The following TNFRSF9 variants were observed in gnomAD, a reference collection of about 807,000 sequenced individuals.
TNFRSF9 encodes tumor necrosis factor receptor superfamily member 9.
In TNFRSF9, 16 loss-of-function variants were observed where a neutral mutation model predicts 28.8. The ratio of observed to expected loss-of-function variants is 0.55; its 90% CI spans 0.38 to 0.84. The LOEUF (loss-of-function observed/expected upper bound fraction) is 0.84. TNFRSF9 is among the 40% of genes least tolerant of loss of function. The pLI, the probability that TNFRSF9 is intolerant of heterozygous loss-of-function variation, is 0.00. For missense variants in TNFRSF9, 303 were observed against 315.0 expected (o/e 0.96, Z 0.29); for synonymous variants, 131 against 117.0 (o/e 1.12, Z -0.77).
chr1:7,938,403 G>A, intron 3 of TNFRSF9, 73 bp from the exon 4 acceptor site: 3 of 1,428,044 alleles, frequency 2.1e-6, no homozygotes, highest in Non-Finnish European at 1.9e-6. Flanking sequence ...TTTATGCTCT[G>A]CAGTAAAAAT....
intron 2 of TNFRSF9, among the ~76,000 whole-genome samples, chr1:7,939,094 C>T (rs1639863339): frequency 1.3e-5 from 2 of 152,036 alleles, no homozygotes; most frequent in Admixed American, 1.3e-4. Flanking sequence ...CCGAAGCGGG[C>T]AGATCACCTG....
At chr1:7,934,036 G>T (rs1639778339) in intron 6 of TNFRSF9, among the ~76,000 whole-genome samples, 3 of 151,718 alleles carry the variant, frequency 2.0e-5, no homozygotes, top group Admixed American at 6.6e-5. Context: ...AAAAATAAAA[G>T]AAACTTAATA....
chr1:7,937,906 TTTTTA>T (rs747122899), intron 4 of TNFRSF9, 150 bp from the exon 5 acceptor site: 16 of 705,178 alleles, frequency 2.3e-5, no homozygotes, highest in Non-Finnish European at 3.7e-5. Flanking sequence ...AGATGGCTAG[TTTTTA>T]TTTTAATTGT....
chr1:7,935,447 G>A (rs759548440), intron 5 of TNFRSF9, among the ~76,000 whole-genome samples: 1 of 152,192 alleles, frequency 6.6e-6, no homozygotes, highest in Non-Finnish European at 1.5e-5. Flanking sequence ...CTAGCATAGG[G>A]TTAGGAGGTC....
intron 7 of TNFRSF9, among the ~76,000 whole-genome samples, chr1:7,926,444 A>G (rs1639651953): frequency 6.6e-6 from 1 of 152,146 alleles, no homozygotes; most frequent in Non-Finnish European, 1.5e-5. Flanking sequence ...ATTTCTCAGA[A>G]CTACCCCTGT....
chr1:7,921,152 A>G (rs1047030103), intron 7 of TNFRSF9, among the ~76,000 whole-genome samples: 1 of 151,888 alleles, frequency 6.6e-6, no homozygotes, highest in Non-Finnish European at 1.5e-5. Context: ...CGTGGCCAAC[A>G]TAGCAAAACC....
In TNFRSF9 at chr1:7,925,041, C is replaced by T. The variant is rs540378608; in HGVS notation, c.680-4118G>A. 2.0e-4 allele frequency among the ~76,000 whole-genome samples: 31 copies of T among 151,794 alleles called. No individual in the cohort carries two copies. The East Asian group carries it at 5.6e-3, about 28-fold the overall frequency. On this transcript the variant is annotated intron_variant, in intron 7 of 7. Coordinates refer to ENST00000377507, the MANE Select transcript of TNFRSF9 (RefSeq NM_001561.6). ...TTTTTTTAAGTTTATAGGCTGGGTG[C>T]GGTGGCTCATGCCTGTAATCCCAGC...
chr1:7,927,438 C>T (rs1441400103), intron 7 of TNFRSF9, among the ~76,000 whole-genome samples: 3 of 152,068 alleles, frequency 2.0e-5, no homozygotes, highest in Non-Finnish European at 2.9e-5. Flanking sequence ...GCAAGGTGCC[C>T]CCTGACCCCT....
intron 5 of TNFRSF9, among the ~76,000 whole-genome samples, chr1:7,936,866 T>C (rs1162360312): frequency 6.6e-6 from 1 of 152,234 alleles, no homozygotes; most frequent in Non-Finnish European, 1.5e-5. Context: ...CCACTGTCGA[T>C]GGGGACACAG....
At chr1:7,926,448 C>A (rs1039744371) in intron 7 of TNFRSF9, among the ~76,000 whole-genome samples, 1 of 152,148 alleles carries the variant, frequency 6.6e-6, no homozygotes, top group Admixed American at 6.5e-5. Flanking sequence ...CTCAGAACTA[C>A]CCCTGTCATT....
At chr1:7,926,814 A>G (rs1381372838) in intron 7 of TNFRSF9, among the ~76,000 whole-genome samples, 2 of 152,224 alleles carry the variant, frequency 1.3e-5, no homozygotes, top group African/African-American at 4.8e-5. Flanking sequence ...GGTACAATGA[A>G]GGATGACTAA....
At position 7,919,162 on chromosome 1, in the gene TNFRSF9, A is replaced by G. The variant is rs1049704078; in HGVS notation, c.*1673T>C. The G allele has an allele frequency of 1.3e-5, 2 of 152,184 alleles. No homozygotes were observed. The highest frequency in any genetic ancestry group is 4.8e-5 in the African/African-American group (2 of 41,456). 9.4% of individuals were successfully genotyped at this position (152,184 alleles called of 1,614,324 possible). A position where few individuals can be genotyped will look rare whatever the true frequency, so the allele number is the denominator to read the frequency against. On this transcript the variant is annotated 3_prime_UTR_variant, in exon 8 of 8. Coordinates refer to ENST00000377507, the MANE Select transcript of TNFRSF9 (RefSeq NM_001561.6). ...GCTCCCTCCACCTAAATCCCAGAGT[A>G]AAATAACATGGGACAGAGGCACGCA...
chr1:7,938,306 C>T lies in TNFRSF9; in HGVS notation c.233G>A (p.Cys78Tyr). The change falls in exon 4 of 8, where the codon TGT (cysteine) becomes TAT (tyrosine). Residue 78 changes from cysteine to tyrosine, a missense_variant. Coordinates refer to ENST00000377507, the MANE Select transcript of TNFRSF9 (RefSeq NM_001561.6). ...ACACTCTGCATTGCTGGTGGAGGAA[C>T]ACTCCTTCCTGGTCCTGAAAACACC... ...CKGVFRTRKE[C>Y]SSTSNAECDC... is the part of the protein sequence containing the mutation. 1.2e-6 allele frequency: 2 copies of T among 1,607,414 alleles called. No individual in the cohort carries two copies. Among genetic ancestry groups the T allele is most frequent in the Non-Finnish European group, 8.5e-7 (1 of 1,177,152 alleles).
intron 3 of TNFRSF9, 122 bp downstream of exon 3, chr1:7,938,599 G>A: frequency 1.1e-6 from 1 of 892,798 alleles, no homozygotes; most frequent in Non-Finnish European, 1.7e-6. Context: ...AGACCTGCTG[G>A]TTGGCAGAAG....
intron 1 of TNFRSF9, 37 bp from the exon 2 acceptor site, chr1:7,940,115 C>A (rs554258282): frequency 1.5e-6 from 1 of 660,188 alleles, no homozygotes; most frequent in South Asian, 2.3e-5. Flanking sequence ...AAGGTGGTTT[C>A]TCCTTTCAAA....
At chr1:7,923,115 C>A (rs1465364073) in intron 7 of TNFRSF9, among the ~76,000 whole-genome samples, 2 of 152,032 alleles carry the variant, frequency 1.3e-5, no homozygotes, top group South Asian at 4.1e-4. Flanking sequence ...ATTGGCCAGG[C>A]TGGTCTCAAA....
At position 7,923,618 on chromosome 1, in the gene TNFRSF9, G is replaced by A. The variant is rs569386844; in HGVS notation, c.680-2695C>T. ...CTATGGGGGCCAAGGCAGGAGGATC[G>A]CTTGAGTCCAGGAGTTCTAGACCAG... is the stretch of plus-strand genomic sequence containing the variant. On this transcript the variant is annotated intron_variant, in intron 7 of 7. Coordinates refer to ENST00000377507, the MANE Select transcript of TNFRSF9 (RefSeq NM_001561.6). Among the ~76,000 whole-genome samples, 11 of 152,254 alleles carry A rather than the reference G, an allele frequency of 7.2e-5. No homozygotes were observed. In the South Asian group the frequency reaches 1.2e-3, roughly 17 times the overall value.
intron 7 of TNFRSF9, among the ~76,000 whole-genome samples, chr1:7,927,300 C>T (rs1460556477): frequency 6.6e-6 from 1 of 152,138 alleles, no homozygotes; most frequent in Non-Finnish European, 1.5e-5. Flanking sequence ...GTCTCACAAG[C>T]CTGCTGTGAA....
At chr1:7,932,503 G>T (rs1366401747) in intron 7 of TNFRSF9, among the ~76,000 whole-genome samples, 1 of 152,196 alleles carries the variant, frequency 6.6e-6, no homozygotes, top group East Asian at 1.9e-4. Flanking sequence ...TACTGGTGCT[G>T]TAATAATTCA....
Sources: gnomAD v4.1 joint callset for allele counts (sites outside exome capture counted in the v4.1 genomes callset) on GRCh38, gnomAD v4.1.1 for gene constraint, MANE v1.5 for transcripts, NCBI Gene and HGNC (gene_info 2026-07-23, HGNC 2026-07-21) for gene names.